Variants in ZMAT4 observed in about 807,000 individuals in gnomAD.
The protein encoded by ZMAT4 is zinc finger matrin-type protein 4.
Under a neutral mutation model 28.7 loss-of-function variants are expected in ZMAT4, and 17 were observed. The ratio of observed to expected loss-of-function variants is 0.59; its 90% CI spans 0.41 to 0.89. The LOEUF (loss-of-function observed/expected upper bound fraction) is 0.89, where lower values mean the gene tolerates loss of function less well. Ranked by LOEUF, ZMAT4 falls within the 40% of genes least tolerant of loss-of-function variation. The pLI, the probability that ZMAT4 is intolerant of heterozygous loss-of-function variation, is 0.00. For synonymous variants in ZMAT4, 117 were observed against 109.2 expected, an observed-to-expected ratio of 1.07 and a Z score of -0.44; for missense variants, 240 against 283.8, an observed-to-expected ratio of 0.85 and a Z score of 1.11.
chr8:40,755,497 G>A (rs1266095511), intron 3 of ZMAT4, among the ~76,000 whole-genome samples: 2 of 152,128 alleles, frequency 1.3e-5, no homozygotes, highest in African/African-American at 2.4e-5. Flanking sequence ...CTGTCACCCA[G>A]GCTGGAGTGC....
chr8:40,879,512 C>T (rs944459187), intron 1 of ZMAT4, among the ~76,000 whole-genome samples: 1 of 152,144 alleles, frequency 6.6e-6, no homozygotes, highest in Non-Finnish European at 1.5e-5. Context: ...AAAACGGTTC[C>T]ACACAAAGCC....
At chr8:40,545,084 G>T (rs1373393337) in intron 6 of ZMAT4, among the ~76,000 whole-genome samples, 4 of 152,090 alleles carry the variant, frequency 2.6e-5, no homozygotes, top group African/African-American at 9.7e-5. Context: ...CATGCCTAGA[G>T]ATGCCCCTGG....
chr8:40,689,205 A>G (rs981910199), intron 4 of ZMAT4, among the ~76,000 whole-genome samples: 1 of 152,090 alleles, frequency 6.6e-6, no homozygotes, highest in African/African-American at 2.4e-5. Context: ...CCAGGGCTGG[A>G]CCTCCAGCTT....
chr8:40,637,580 T>G (rs571982041), intron 5 of ZMAT4, among the ~76,000 whole-genome samples: 111 of 152,324 alleles, frequency 7.3e-4, no homozygotes, highest in Non-Finnish European at 1.1e-3. Context: ...AATTCCCCAA[T>G]GCCATATTAA....
At chr8:40,892,381 G>GCC (rs34134845) in intron 1 of ZMAT4, among the ~76,000 whole-genome samples, 21 of 152,026 alleles carry the variant, frequency 1.4e-4, no homozygotes, top group African/African-American at 4.8e-4. Flanking sequence ...ACACTCAGGA[G>GCC]CCCCCCCAGG....
chr8:40,835,628 T>G (rs932997559), intron 1 of ZMAT4, among the ~76,000 whole-genome samples: 12 of 152,212 alleles, frequency 7.9e-5, no homozygotes, highest in Admixed American at 7.9e-4. Flanking sequence ...ACTGCCCCTA[T>G]GAAACCAGAC....
intron 5 of ZMAT4, among the ~76,000 whole-genome samples, chr8:40,606,688 G>A (rs1805591730): frequency 6.6e-6 from 1 of 152,108 alleles, no homozygotes; most frequent in South Asian, 2.1e-4. Context: ...GAATTTCCCG[G>A]GTGTTGTTTG....
At chr8:40,786,431 T>A (rs1303463609) in intron 2 of ZMAT4, among the ~76,000 whole-genome samples, 1 of 137,330 alleles carries the variant, frequency 7.3e-6, no homozygotes, top group African/African-American at 2.7e-5. Flanking sequence ...AGGTAAATAG[T>A]ACACAGAAGT....
chr8:40,540,583 C>T (rs1051572131), intron 6 of ZMAT4, among the ~76,000 whole-genome samples: 1 of 152,148 alleles, frequency 6.6e-6, no homozygotes, highest in Admixed American at 6.5e-5. Context: ...AGCTCTCTCC[C>T]GAGTTCTGAC....
rs1805309140 is a variant in ZMAT4 at position 40,601,442 on chromosome 8, AAGGAAGGAAGGAAGGGAGG to A, written c.578-20200_578-20182del. On this transcript the variant is annotated intron_variant, in intron 5 of 6. Transcript: ENST00000297737. ...GAAGGAAGGAAGGAAGGAAGGAAGG[AAGGAAGGAAGGAAGGGAGG>A]AAGAAAGGAAAGAAAGAAAGAAAGA... Among the ~76,000 whole-genome samples, 4 of 113,738 alleles carry A rather than the reference AAGGAAGGAAGGAAGGGAGG, an allele frequency of 3.5e-5. 1 individual carries two copies. The highest frequency in any genetic ancestry group is 2.1e-4 in the Admixed American group (2 of 9,716). The allele number at this position is 113,738 out of a possible 152,430, so 74.6% of individuals were successfully genotyped here. A position where few individuals can be genotyped will look rare whatever the true frequency, so the allele number is the denominator to read the frequency against.
At chr8:40,715,189 C>G (rs1461483156) in intron 3 of ZMAT4, among the ~76,000 whole-genome samples, 1 of 152,020 alleles carries the variant, frequency 6.6e-6, no homozygotes, top group Non-Finnish European at 1.5e-5. Context: ...AGTAGAGAGG[C>G]CTTGAGCATG....
chr8:40,534,252 T>G (rs528310465), intron 6 of ZMAT4, among the ~76,000 whole-genome samples: 24 of 152,316 alleles, frequency 1.6e-4, no homozygotes, highest in African/African-American at 5.8e-4. Flanking sequence ...GCTTTTGTAA[T>G]TATTCATCCA....
At chr8:40,877,170 G>A (rs1361128895) in intron 1 of ZMAT4, among the ~76,000 whole-genome samples, 1 of 152,146 alleles carries the variant, frequency 6.6e-6, no homozygotes, top group Non-Finnish European at 1.5e-5. Context: ...GGAGATGGCC[G>A]TCTACAAGCC....
intron 6 of ZMAT4, among the ~76,000 whole-genome samples, chr8:40,572,538 G>T (rs1431951342): frequency 6.6e-6 from 1 of 152,014 alleles, no homozygotes; most frequent in Non-Finnish European, 1.5e-5. Flanking sequence ...ATGTCCTGAG[G>T]CCTGGAGTGT....
At chr8:40,804,063 T>C (rs1814972216) in intron 2 of ZMAT4, among the ~76,000 whole-genome samples, 1 of 152,186 alleles carries the variant, frequency 6.6e-6, no homozygotes, top group Non-Finnish European at 1.5e-5. Context: ...AGATCAGTGG[T>C]TGCCAGGAAT....
At chr8:40,644,051 A>G (rs1276538691) in intron 5 of ZMAT4, among the ~76,000 whole-genome samples, 2 of 152,166 alleles carry the variant, frequency 1.3e-5, no homozygotes, top group African/African-American at 4.8e-5. Context: ...TGAGATTTGT[A>G]TTTTATAAAA....
intron 5 of ZMAT4, among the ~76,000 whole-genome samples, chr8:40,581,958 A>G (rs534055564): frequency 6.6e-6 from 1 of 152,346 alleles, no homozygotes; most frequent in East Asian, 1.9e-4. Context: ...TTTATGTTAG[A>G]AAACAGCTTT....
At chr8:40,534,390 T>G (rs1802782671) in intron 6 of ZMAT4, among the ~76,000 whole-genome samples, 2 of 152,180 alleles carry the variant, frequency 1.3e-5, no homozygotes, top group African/African-American at 4.8e-5. Context: ...GAAAATTCTT[T>G]TTCATCTGAG....
intron 4 of ZMAT4, among the ~76,000 whole-genome samples, chr8:40,693,606 G>A (rs1173440581): frequency 6.6e-6 from 1 of 152,176 alleles, no homozygotes; most frequent in Non-Finnish European, 1.5e-5. Context: ...GTCAAACTTT[G>A]TATGTAAAGA....
Sources: gnomAD v4.1 joint callset for allele counts (sites outside exome capture counted in the v4.1 genomes callset) on GRCh38, gnomAD v4.1.1 for gene constraint, MANE v1.5 for transcripts, NCBI Gene and HGNC (gene_info 2026-07-23, HGNC 2026-07-21) for gene names.